TNS1: variants seen among roughly 807,000 people sequenced by gnomAD.
TNS1 encodes tensin 1.
In TNS1, 62 loss-of-function variants were observed where a neutral mutation model predicts 168.6. The ratio of observed to expected loss-of-function variants is 0.37; its 90% CI spans 0.30 to 0.45. The LOEUF is 0.45. Ranked by LOEUF, TNS1 falls within the 20% of genes least tolerant of loss-of-function variation. TNS1 has a pLI of 1.00. For synonymous variants in TNS1, 934 were observed against 933.2 expected (o/e 1.00, Z -0.02); for missense variants, 2,240 against 2,339.4 (o/e 0.96, Z 0.88).
chr2:217,891,047 T>C lies in TNS1; in HGVS notation c.783-2A>G. 1 of 1,614,176 alleles carries C rather than the reference T, an allele frequency of 6.2e-7. No individual in the cohort carries two copies. The highest frequency in any genetic ancestry group is 8.5e-7 in the Non-Finnish European group (1 of 1,180,026). Reference sequence around the variant, plus strand: ...AACCGGTCCAGAGCCTGGTCCGCACTGCAGGGAGAGACAGGTGGTCAAAAG... The same window carrying C: ...AACCGGTCCAGAGCCTGGTCCGCACCGCAGGGAGAGACAGGTGGTCAAAAG... On this transcript the variant is annotated splice_acceptor_variant, in intron 11 of 32. Transcript: ENST00000682258. LOFTEE classifies it high-confidence loss of function.
intron 19 of TNS1, among the ~76,000 whole-genome samples, chr2:217,842,585 G>A (rs901214709): frequency 6.6e-6 from 1 of 152,028 alleles, no homozygotes; most frequent in South Asian, 2.1e-4. Flanking sequence ...CCACCTAACT[G>A]CTCTCCCTCC....
chr2:218,006,195 C>A (rs1312086689), upstream of TNS1, among the ~76,000 whole-genome samples: 2 of 152,232 alleles, frequency 1.3e-5, no homozygotes, highest in African/African-American at 4.8e-5. Flanking sequence ...TGGTGCTGGC[C>A]CTGGGGCTGG....
At chr2:217,956,113 G>C (rs1007105920) in intron 3 of TNS1, among the ~76,000 whole-genome samples, 3 of 152,130 alleles carry the variant, frequency 2.0e-5, no homozygotes, top group African/African-American at 7.2e-5. Flanking sequence ...CCCACCCAGG[G>C]GTCAAGAGGA....
At chr2:217,849,786 C>T (rs1451811791) in intron 18 of TNS1, 8 of 985,292 alleles carry the variant, frequency 8.1e-6, no homozygotes, top group East Asian at 1.1e-4. Context: ...CCAGTCGCCC[C>T]GAGGATAGCC....
intron 3 of TNS1, among the ~76,000 whole-genome samples, chr2:217,954,706 AG>A (rs1226943980): frequency 6.6e-6 from 1 of 152,168 alleles, no homozygotes; most frequent in Non-Finnish European, 1.5e-5. Flanking sequence ...GAGCCCCAGC[AG>A]CCCTTCCTGC....
chr2:217,849,156 A>T, intron 18 of TNS1, 69 bp from the exon 19 acceptor site: 1 of 1,521,106 alleles, frequency 6.6e-7, no homozygotes. Flanking sequence ...GGTATCATCC[A>T]CTCTGCCAGA....
At chr2:217,859,744 G>C (rs758983483) in intron 18 of TNS1, 2 of 1,456,002 alleles carry the variant, frequency 1.4e-6, no homozygotes, top group South Asian at 2.4e-5. Context: ...TTCAGAGTTC[G>C]CAATGCCTCA....
upstream of TNS1, among the ~76,000 whole-genome samples, chr2:218,011,261 AAG>A (rs1311982647): frequency 6.6e-6 from 1 of 152,104 alleles, no homozygotes; most frequent in Non-Finnish European, 1.5e-5. Context: ...GGGAAGGAAA[AAG>A]AGGGGAGGCG....
intron 1 of TNS1, among the ~76,000 whole-genome samples, chr2:217,998,441 G>A (rs1958507529): frequency 6.6e-6 from 1 of 152,198 alleles, no homozygotes; most frequent in African/African-American, 2.4e-5. Context: ...GTGAGGGATT[G>A]GACTGGATTT....
In TNS1 at chr2:217,995,014, AG is replaced by A. The variant is rs1222835431; in HGVS notation, c.34-3959del. Among the ~76,000 whole-genome samples, 1 of 150,122 alleles carries A rather than the reference AG, an allele frequency of 6.7e-6. No individual in the cohort carries two copies. The highest frequency in any genetic ancestry group is 2.0e-4 in the East Asian group (1 of 4,984). On this transcript the variant is annotated intron_variant, in intron 1 of 32. Coordinates refer to ENST00000682258, the MANE Select transcript of TNS1 (RefSeq NM_001387777.1). This position sits in a 1 kb window ranked among gnomAD's most constrained non-coding sequence, Gnocchi z 4.1. ...GACCAGACAGTCTGAGTGTAGAGAG[AG>A]GGGGAAATGACACAACATTCCCTTT...
chr2:217,805,445 T>G (rs878972373), intron 32 of TNS1, among the ~76,000 whole-genome samples: 1 of 7,232 alleles, frequency 1.4e-4, no homozygotes, highest in African/African-American at 5.8e-4. Flanking sequence ...ACCACACACA[T>G]ACACACCATC....
intron 3 of TNS1, among the ~76,000 whole-genome samples, chr2:217,946,050 A>C (rs1046623685): frequency 6.6e-6 from 1 of 152,084 alleles, no homozygotes; most frequent in Non-Finnish European, 1.5e-5. Context: ...CCAGCTCCCC[A>C]CTGCCTGCTA....
intron 32 of TNS1, among the ~76,000 whole-genome samples, chr2:217,807,754 G>A (rs766391417): frequency 1.3e-5 from 2 of 152,234 alleles, no homozygotes; most frequent in African/African-American, 2.4e-5. Flanking sequence ...GGGCAGAAAA[G>A]ATCATGTAAG....
chr2:217,830,432 G>C, intron 22 of TNS1: 1 of 1,609,120 alleles, frequency 6.2e-7, no homozygotes, highest in South Asian at 1.1e-5. Context: ...CCCCCACCCA[G>C]CCCTAAAACC....
intron 19 of TNS1, chr2:217,842,015 GC>G (rs1258528291): frequency 2.9e-6 from 2 of 699,070 alleles, no homozygotes; most frequent in Non-Finnish European, 2.6e-6. Flanking sequence ...GGCCAACATT[GC>G]CCCTGCCCTG....
At chr2:217,845,172 C>T (rs1229751733) in intron 19 of TNS1, among the ~76,000 whole-genome samples, 1 of 152,186 alleles carries the variant, frequency 6.6e-6, no homozygotes, top group African/African-American at 2.4e-5. Context: ...GTATGGAGGA[C>T]AGCCAATGGG....
At chr2:217,944,778 A>G (rs1957062109) in intron 3 of TNS1, among the ~76,000 whole-genome samples, 2 of 152,262 alleles carry the variant, frequency 1.3e-5, no homozygotes, top group African/African-American at 4.8e-5. Context: ...CAAATATATC[A>G]AAGTGTTCAT....
At chr2:218,007,568 G>GGGC (rs1685221317), upstream of TNS1, among the ~76,000 whole-genome samples, 3 of 76,040 alleles carry the variant, frequency 3.9e-5, no homozygotes, top group African/African-American at 1.8e-4. Context: ...TCGGGGGGTG[G>GGGC]GGGGGGGGGT....
At chr2:217,966,631 A>G (rs1257552190) in intron 3 of TNS1, among the ~76,000 whole-genome samples, 1 of 152,204 alleles carries the variant, frequency 6.6e-6, no homozygotes. Context: ...CCCCAGATGC[A>G]CTGAGTCAAA....
Sources: gnomAD v4.1 joint callset for allele counts (sites outside exome capture counted in the v4.1 genomes callset) on GRCh38, gnomAD v4.1.1 for gene constraint, Gnocchi (gnomAD v3.1) non-coding constraint, MANE v1.5 for transcripts, NCBI Gene and HGNC (gene_info 2026-07-23, HGNC 2026-07-21) for gene names.